Variants in TACR1 observed in about 807,000 individuals in gnomAD.
TACR1 encodes tachykinin receptor 1.
TACR1 carries 25 observed loss-of-function variants against 35.8 expected under a neutral mutation model. The observed-to-expected ratio is 0.70, with a 90% CI of 0.51 to 0.98. TACR1 has a LOEUF of 0.98. Among genes scored for constraint, TACR1 ranks in the 50% least tolerant of loss-of-function variants. TACR1 has a pLI of 0.00. For missense variants in TACR1, 478 were observed against 522.9 expected, an observed-to-expected ratio of 0.91 and a Z score of 0.84; for synonymous variants, 195 against 206.7, an observed-to-expected ratio of 0.94 and a Z score of 0.48.
At chr2:75,151,297 G>A (rs541789526) in intron 1 of TACR1, among the ~76,000 whole-genome samples, 41 of 152,274 alleles carry the variant, frequency 2.7e-4, no homozygotes, top group South Asian at 1.5e-3. Context: ...CAGCCCCTCC[G>A]ATCACAGGCC....
At chr2:75,088,064 A>G (rs1673223867) in intron 2 of TACR1, among the ~76,000 whole-genome samples, 1 of 152,158 alleles carries the variant, frequency 6.6e-6, no homozygotes, top group Admixed American at 6.5e-5. Flanking sequence ...GCTGACGTCT[A>G]CCTTGCAGCT....
At chr2:75,120,798 G>T in intron 1 of TACR1, 30 bp from the exon 2 acceptor site, 1 of 1,535,438 alleles carries the variant, frequency 6.5e-7, no homozygotes, top group South Asian at 1.3e-5. Flanking sequence ...ACAAAGTTCT[G>T]ATCTGGTCAC....
At chr2:75,169,155 A>T (rs1035381554) in intron 1 of TACR1, among the ~76,000 whole-genome samples, 1 of 152,062 alleles carries the variant, frequency 6.6e-6, no homozygotes, top group Non-Finnish European at 1.5e-5. Flanking sequence ...TTCAAGGCTT[A>T]TTTTCTTAAA....
rs753102028 is a variant in TACR1, at chr2:75,198,959, AC to A, written c.-26del. ...TTTCGAAGCTAGGCGGTAAAGCCCT[AC>A]TATCTGTACACAACCCCCCTCTGCA... On this transcript the variant is annotated 5_prime_UTR_variant, in exon 1 of 5. Coordinates refer to ENST00000305249, the MANE Select transcript of TACR1 (RefSeq NM_001058.4). 13 of 1,607,472 alleles carry A rather than the reference AC, an allele frequency of 8.1e-6. No homozygotes were observed. The Admixed American group carries it at 1.5e-4, about 19-fold the overall frequency.
At chr2:75,074,783 TG>T (rs141003888) in intron 2 of TACR1, among the ~76,000 whole-genome samples, 1 of 152,224 alleles carries the variant, frequency 6.6e-6, no homozygotes, top group African/African-American at 2.4e-5. Flanking sequence ...TGTGTGTGCA[TG>T]AGGATTAGGC....
At chr2:75,089,929 AT>A (rs1673274053) in intron 2 of TACR1, among the ~76,000 whole-genome samples, 1 of 152,202 alleles carries the variant, frequency 6.6e-6, no homozygotes, top group South Asian at 2.1e-4. Flanking sequence ...ACTAAAATAA[AT>A]GCACCAGCAG....
intron 2 of TACR1, among the ~76,000 whole-genome samples, chr2:75,078,307 C>T (rs1158929118): frequency 6.6e-6 from 1 of 151,390 alleles, no homozygotes; most frequent in East Asian, 1.9e-4. Context: ...AGTTGCATGA[C>T]CTTGAGTGAT....
intron 1 of TACR1, among the ~76,000 whole-genome samples, chr2:75,178,681 G>A (rs564704146): frequency 3.3e-5 from 5 of 152,090 alleles, no homozygotes; most frequent in East Asian, 1.9e-4. Context: ...TAATGATCTC[G>A]TCTTGTCAAA....
chr2:75,145,424 G>A (rs1159219350), intron 1 of TACR1, among the ~76,000 whole-genome samples: 2 of 152,068 alleles, frequency 1.3e-5, no homozygotes, highest in African/African-American at 4.8e-5. Context: ...TATAAATAGT[G>A]TAAAGTAGGA....
chr2:75,145,084 A>G (rs1009827039), intron 1 of TACR1, among the ~76,000 whole-genome samples: 1 of 152,194 alleles, frequency 6.6e-6, no homozygotes, highest in African/African-American at 2.4e-5. Flanking sequence ...TAGAAAAAGC[A>G]TTACCATAAA....
intron 2 of TACR1, among the ~76,000 whole-genome samples, chr2:75,065,592 G>A (rs1009138426): frequency 2.0e-5 from 3 of 151,988 alleles, no homozygotes; most frequent in Non-Finnish European, 4.4e-5. Flanking sequence ...AGCTTCTCTC[G>A]ATGCAGCAGC....
Position 75,120,633 on chromosome 2 carries a change from G to T in TACR1, c.525C>A (p.Pro175=). The part of the protein sequence containing the change: ...QGYYSTTETM[P]SRVVCMIEWP... ...ATTCGATCATGCACACGACTCTGCT[G>T]GGCATGGTCTCTGTGGTTGAGTAGT... The change falls in exon 2 of 5, where the codon CCC becomes CCA. Residue 175 remains proline, a synonymous_variant. Coordinates refer to ENST00000305249, the MANE Select transcript of TACR1 (RefSeq NM_001058.4). 1.2e-6 allele frequency: 2 copies of T among 1,613,936 alleles called. No individual in the cohort carries two copies. Among genetic ancestry groups the T allele is most frequent in the Admixed American group, 3.3e-5 (2 of 59,982 alleles).
intron 1 of TACR1, among the ~76,000 whole-genome samples, chr2:75,157,593 CA>C (rs528006655): frequency 1.4e-3 from 208 of 152,306 alleles, no homozygotes; most frequent in African/African-American, 4.8e-3. Context: ...AGGACTGTGA[CA>C]AATACTCACT....
chr2:75,061,549 A>C (rs1274000631), intron 2 of TACR1, among the ~76,000 whole-genome samples: 1 of 152,156 alleles, frequency 6.6e-6, no homozygotes, highest in Non-Finnish European at 1.5e-5. Context: ...CACATCACCC[A>C]GTCTTCCCTG....
chr2:75,116,797 C>A lies in TACR1; in HGVS notation c.584+3777G>T, dbSNP rs370128316. ...TGGTGATGGGCGCCTGTAATCCCAG[C>A]TACTCTGGAAGCTGAGGCAGGATAA... is the stretch of plus-strand genomic sequence containing the variant. On this transcript the variant is annotated intron_variant, in intron 2 of 4. Transcript: ENST00000305249. Among the ~76,000 whole-genome samples the A allele has an allele frequency of 7.9e-5, 12 of 152,108 alleles. 1 individual carries two copies. Among genetic ancestry groups the A allele is most frequent in the African/African-American group, 2.9e-4 (12 of 41,496 alleles).
intron 2 of TACR1, among the ~76,000 whole-genome samples, chr2:75,082,318 C>T (rs1349127308): frequency 1.3e-5 from 2 of 152,158 alleles, no homozygotes; most frequent in African/African-American, 4.8e-5. Flanking sequence ...TCCAGTCTAT[C>T]ATTTATGGAC....
intron 4 of TACR1, 113 bp from the exon 5 acceptor site, chr2:75,049,836 T>C (rs925722447): frequency 8.0e-7 from 1 of 1,250,638 alleles, no homozygotes; most frequent in Non-Finnish European, 1.1e-6. Context: ...ATTCTGTTAT[T>C]GTTTTTAAAA....
chr2:75,076,918 A>G (rs1672991395), intron 2 of TACR1, among the ~76,000 whole-genome samples: 1 of 152,208 alleles, frequency 6.6e-6, no homozygotes, highest in Non-Finnish European at 1.5e-5. Flanking sequence ...CCAGGTGCCT[A>G]CTAGCTTCCG....
chr2:75,069,085 G>A (rs994516501), intron 2 of TACR1, among the ~76,000 whole-genome samples: 3 of 152,138 alleles, frequency 2.0e-5, no homozygotes, highest in Non-Finnish European at 2.9e-5. Flanking sequence ...CTCACGAGAT[G>A]TGATGGTTTT....
Sources: gnomAD v4.1 joint callset for allele counts (sites outside exome capture counted in the v4.1 genomes callset) on GRCh38, gnomAD v4.1.1 for gene constraint, MANE v1.5 for transcripts, NCBI Gene and HGNC (gene_info 2026-07-23, HGNC 2026-07-21) for gene names.